The following LRRC4C variants were observed in gnomAD, a reference collection of about 807,000 sequenced individuals.
The protein encoded by LRRC4C is leucine-rich repeat-containing protein 4C.
Under a neutral mutation model 33.6 loss-of-function variants are expected in LRRC4C, and 5 were observed. The observed-to-expected ratio is 0.15, with a 90% confidence interval of 0.08 to 0.31. The LOEUF is 0.31. Ranked by LOEUF, LRRC4C falls within the 10% of genes least tolerant of loss-of-function variation. The pLI is 1.00. For missense variants in LRRC4C, 560 were observed against 796.7 expected, an observed-to-expected ratio of 0.70 and a Z score of 3.58; for synonymous variants, 329 against 302.0, an observed-to-expected ratio of 1.09 and a Z score of -0.93.
At chr11:40,240,239 C>T (rs1409925895) in intron 5 of LRRC4C, among the ~76,000 whole-genome samples, 2 of 152,158 alleles carry the variant, frequency 1.3e-5, no homozygotes, top group Non-Finnish European at 2.9e-5. Flanking sequence ...AAGATTTCTC[C>T]AGTGTATAGA....
chr11:41,107,680 G>C (rs1049861033), intron 1 of LRRC4C, among the ~76,000 whole-genome samples: 1 of 152,148 alleles, frequency 6.6e-6, no homozygotes, highest in Non-Finnish European at 1.5e-5. Flanking sequence ...GCTCACAACT[G>C]TAATCCCAGC....
intron 1 of LRRC4C, among the ~76,000 whole-genome samples, chr11:41,432,631 G>A (rs1955279188): frequency 6.6e-6 from 1 of 152,118 alleles, no homozygotes; most frequent in Non-Finnish European, 1.5e-5. Context: ...GAAAGATGTA[G>A]AGAGGAAATG....
intron 1 of LRRC4C, among the ~76,000 whole-genome samples, chr11:41,428,438 A>C (rs1422503549): frequency 2.0e-5 from 3 of 152,068 alleles, no homozygotes; most frequent in Non-Finnish European, 4.4e-5. Context: ...GGACAAAAAA[A>C]CGTATTTTTT....
At chr11:40,946,394 G>T (rs942144763) in intron 1 of LRRC4C, among the ~76,000 whole-genome samples, 2 of 152,066 alleles carry the variant, frequency 1.3e-5, no homozygotes, top group Admixed American at 1.3e-4. Flanking sequence ...TGTTATAAAC[G>T]TATCAGTGTA....
rs921062126 is a variant in LRRC4C at position 40,548,344 on chromosome 11, A to G, written c.-270+99798T>C. Among the ~76,000 whole-genome samples the G allele has an allele frequency of 7.9e-5, 12 of 152,258 alleles. No homozygotes were observed. In the South Asian group the frequency reaches 1.0e-3, roughly 13 times the overall value. On this transcript the variant is annotated intron_variant, in intron 3 of 6. Transcript: ENST00000528697. ...GCCTTTTAGGGAAGGCACTAATTCA[A>G]TATGACTGATGTCCTTACAAAAAAG...
At chr11:40,450,368 AG>A (rs1951829440) in intron 3 of LRRC4C, among the ~76,000 whole-genome samples, 1 of 152,188 alleles carries the variant, frequency 6.6e-6, no homozygotes, top group South Asian at 2.1e-4. Flanking sequence ...GAACAGTAGG[AG>A]AAAGTGTCTA....
intron 1 of LRRC4C, among the ~76,000 whole-genome samples, chr11:40,998,393 C>A (rs1218454956): frequency 6.6e-6 from 1 of 151,884 alleles, no homozygotes; most frequent in African/African-American, 2.4e-5. Flanking sequence ...TTCTAATATA[C>A]AGTTCTAAAT....
intron 5 of LRRC4C, among the ~76,000 whole-genome samples, chr11:40,193,048 C>T (rs911402037): frequency 4.6e-5 from 7 of 152,284 alleles, no homozygotes; most frequent in Admixed American, 3.3e-4. Flanking sequence ...TAAATGTTCC[C>T]GTATGCTGGC....
rs1158183443 is a variant in LRRC4C at position 41,306,021 on chromosome 11, TAAA to T, written c.-496+153407_-496+153409del. On this transcript the variant is annotated intron_variant, in intron 1 of 6. Transcript: ENST00000528697. The stretch of plus-strand genomic sequence containing the variant: ...CCCTGGGCCCCCTTATTTCTTTCTC[TAAA>T]AAAAAAAAAAAAAAAAGAAAGAAAA... Among the ~76,000 whole-genome samples the T allele has an allele frequency of 1.4e-3, 154 of 110,450 alleles. 1 individual carries two copies. The highest frequency in any genetic ancestry group is 9.2e-3 in the Middle Eastern group (2 of 218). The allele number at this position is 110,450 out of a possible 152,430, so 72.5% of individuals were successfully genotyped here. A position where few individuals can be genotyped will look rare whatever the true frequency, so the allele number is the denominator to read the frequency against.
intron 6 of LRRC4C, among the ~76,000 whole-genome samples, chr11:40,131,041 T>TTTGGGAATGTGTTC (rs1565028400): frequency 6.6e-6 from 1 of 152,180 alleles, no homozygotes; most frequent in African/African-American, 2.4e-5. Flanking sequence ...CATGTAAATG[T>TTTGGGAATGTGTTC]TTGGGAATGT....
At chr11:40,694,703 C>A (rs574820636) in intron 2 of LRRC4C, among the ~76,000 whole-genome samples, 2 of 152,188 alleles carry the variant, frequency 1.3e-5, no homozygotes, top group East Asian at 3.9e-4. Flanking sequence ...AAGGAGAAAA[C>A]ATACTCCCAG....
At chr11:41,122,916 C>G (rs377576862) in intron 1 of LRRC4C, 3 of 152,190 alleles carry the variant, frequency 2.0e-5, no homozygotes, top group Admixed American at 1.3e-4. Flanking sequence ...TACATATATA[C>G]TGACACTTAA....
chr11:40,711,555 A>G (rs985820809), intron 2 of LRRC4C, among the ~76,000 whole-genome samples: 2 of 152,206 alleles, frequency 1.3e-5, no homozygotes, highest in South Asian at 2.1e-4. Flanking sequence ...GAATTTTTGT[A>G]AACAGAAAAT....
rs1205437458 is a variant in LRRC4C, at chr11:40,674,649, T to A, written c.-406-26371A>T. On this transcript the variant is annotated intron_variant, in intron 2 of 6. Coordinates refer to ENST00000528697, the MANE Select transcript of LRRC4C (RefSeq NM_001258419.2). ...CTGGTTTATAAATCATATGCCTTCT[T>A]ATTTACTTTAATATTTATAAATCGT... Among the ~76,000 whole-genome samples the A allele has an allele frequency of 2.0e-5, 3 of 152,318 alleles. No homozygotes were observed. The East Asian group carries it at 5.8e-4, about 29-fold the overall frequency.
intron 3 of LRRC4C, among the ~76,000 whole-genome samples, chr11:40,552,490 C>T (rs1222571344): frequency 2.0e-5 from 3 of 152,078 alleles, no homozygotes; most frequent in Non-Finnish European, 4.4e-5. Flanking sequence ...ATTTAAGGAA[C>T]CCCCCACAAT....
At chr11:41,094,219 C>A (rs1940648662) in intron 1 of LRRC4C, among the ~76,000 whole-genome samples, 1 of 152,052 alleles carries the variant, frequency 6.6e-6, no homozygotes, top group African/African-American at 2.4e-5. Flanking sequence ...AAGCTAGTTT[C>A]TGCTTCAGGA....
At chr11:40,838,707 T>G (rs1025021193) in intron 2 of LRRC4C, among the ~76,000 whole-genome samples, 1 of 151,910 alleles carries the variant, frequency 6.6e-6, no homozygotes, top group African/African-American at 2.4e-5. Context: ...CACATAAGTA[T>G]TTATATATAA....
chr11:41,138,305 A>T (rs1056134080), intron 1 of LRRC4C, among the ~76,000 whole-genome samples: 3 of 152,198 alleles, frequency 2.0e-5, no homozygotes, highest in Non-Finnish European at 4.4e-5. Context: ...TCCAGCACCT[A>T]TGGTTGTGGG....
chr11:40,128,242 C>A (rs976218324), intron 6 of LRRC4C, among the ~76,000 whole-genome samples: 4 of 152,152 alleles, frequency 2.6e-5, no homozygotes, highest in African/African-American at 9.7e-5. Flanking sequence ...CCAAACTTGC[C>A]CCTGAACCTC....
Sources: gnomAD v4.1 joint callset for allele counts (sites outside exome capture counted in the v4.1 genomes callset) on GRCh38, gnomAD v4.1.1 for gene constraint, MANE v1.5 for transcripts, NCBI Gene and HGNC (gene_info 2026-07-23, HGNC 2026-07-21) for gene names.